The following DHRSX variants were observed in gnomAD, a reference collection of about 807,000 sequenced individuals.
DHRSX encodes the protein dehydrogenase/reductase X-linked.
DHRSX carries 31 observed loss-of-function variants against 34.0 expected under a neutral mutation model. The ratio of observed to expected loss-of-function variants is 0.91; its 90% CI spans 0.69 to 1.23. The LOEUF is 1.23. Ranked by LOEUF, DHRSX falls within the 50% of genes most tolerant of loss-of-function variation. The pLI is 0.00. For missense variants in DHRSX, 414 were observed against 428.1 expected (o/e 0.97, Z 0.29); for synonymous variants, 201 against 183.8 (o/e 1.09, Z -0.76).
At chrX:2,429,299 T>C (rs1354279244) in intron 1 of DHRSX, among the ~76,000 whole-genome samples, 12 of 152,306 alleles carry the variant, frequency 7.9e-5, no homozygotes, top group Non-Finnish European at 1.5e-4. Context: ...ATACTGTGTA[T>C]GTATACATGT....
intron 1 of DHRSX, among the ~76,000 whole-genome samples, chrX:2,457,329 C>A (rs927775672): frequency 6.6e-6 from 1 of 151,954 alleles, no homozygotes; most frequent in African/African-American, 2.4e-5. Flanking sequence ...GAAGATGTTC[C>A]CTAAGGATGT....
intron 4 of DHRSX, among the ~76,000 whole-genome samples, chrX:2,268,580 G>A (rs967086275): frequency 2.0e-5 from 3 of 152,178 alleles, no homozygotes; most frequent in African/African-American, 7.2e-5. Context: ...TTTACATGCA[G>A]ATTCATTTTC....
Position 2,247,585 on chromosome X carries a change from C to T in DHRSX, c.597-4355G>A, listed in dbSNP as rs183166965. 6.0e-3 allele frequency among the ~76,000 whole-genome samples: 850 copies of T among 141,240 alleles called. 16 individuals carry two copies. Among genetic ancestry groups the T allele is most frequent in the African/African-American group, 0.022 (804 of 37,338 alleles). 92.7% of individuals were successfully genotyped at this position (141,240 alleles called of 152,430 possible). A position where few individuals can be genotyped will look rare whatever the true frequency, so the allele number is the denominator to read the frequency against. On this transcript the variant is annotated intron_variant, in intron 5 of 6. Coordinates refer to ENST00000334651, the MANE Select transcript of DHRSX (RefSeq NM_145177.3). The stretch of plus-strand genomic sequence containing the variant: ...AGGAGAATGGCGTGAACCCGGGAGG[C>T]GGAGCTTGCAGTGAGCCGAGATTGC...
intron 2 of DHRSX, among the ~76,000 whole-genome samples, chrX:2,413,590 T>C (rs2043657726): frequency 1.3e-5 from 2 of 152,186 alleles, no homozygotes; most frequent in South Asian, 4.1e-4. Flanking sequence ...AATAGATAAT[T>C]AAATACAAGT....
chrX:2,269,277 AATAT>A (rs1172500577), intron 4 of DHRSX, among the ~76,000 whole-genome samples: 5 of 152,232 alleles, frequency 3.3e-5, no homozygotes, highest in East Asian at 3.8e-4. Context: ...TCTACACACA[AATAT>A]ATAGAGGTCT....
intron 3 of DHRSX, among the ~76,000 whole-genome samples, chrX:2,310,123 G>A (rs1404891516): frequency 6.6e-6 from 1 of 152,040 alleles, no homozygotes; most frequent in East Asian, 1.9e-4. Context: ...GATCCAGGCA[G>A]CCAGAGGACA....
At chrX:2,401,716 G>A (rs985708308) in intron 3 of DHRSX, among the ~76,000 whole-genome samples, 1 of 152,108 alleles carries the variant, frequency 6.6e-6, no homozygotes, top group Non-Finnish European at 1.5e-5. Flanking sequence ...ATTTATATTT[G>A]GAGGAGTTTC....
chrX:2,472,032 T>C (rs73622910), intron 1 of DHRSX, among the ~76,000 whole-genome samples: 30,711 of 150,060 alleles, frequency 0.2, 4,508 homozygotes, highest in African/African-American at 0.4. Context: ...GTAATCTCAG[T>C]TACTCAGAAG....
chrX:2,438,306 T>TACACACACACAC (rs113154779), intron 1 of DHRSX, among the ~76,000 whole-genome samples: 3,522 of 149,594 alleles, frequency 0.024, 157 homozygotes, highest in African/African-American at 0.079. Flanking sequence ...ACAGAATGCA[T>TACACACACACAC]ACACACACAC....
Position 2,243,019 on chromosome X carries a change from T to A in DHRSX, c.804+4A>T. The A allele has an allele frequency of 6.2e-7, 1 of 1,612,916 alleles. No homozygotes were observed. Among genetic ancestry groups the A allele is most frequent in the Non-Finnish European group, 8.5e-7 (1 of 1,179,184 alleles). ...CGTGAATCAGAGAAGCAGAAGGGGC[T>A]TACCTTGAAAAGCAACCAGCCGAGA... On this transcript the variant is annotated splice_donor_region_variant and intron_variant, in intron 6 of 6. Coordinates refer to ENST00000334651, the MANE Select transcript of DHRSX (RefSeq NM_145177.3).
At chrX:2,446,152 CA>C (rs1232089242) in intron 1 of DHRSX, among the ~76,000 whole-genome samples, 1 of 151,824 alleles carries the variant, frequency 6.6e-6, no homozygotes, top group Non-Finnish European at 1.5e-5. Flanking sequence ...AAGGGACTAC[CA>C]CCATGTACAC....
At chrX:2,268,057 C>T (rs1400359760) in intron 4 of DHRSX, among the ~76,000 whole-genome samples, 2 of 152,186 alleles carry the variant, frequency 1.3e-5, no homozygotes, top group Non-Finnish European at 2.9e-5. Context: ...TAAACATGGC[C>T]TGTCCTCACC....
chrX:2,456,178 A>C (rs1418044974), intron 1 of DHRSX, among the ~76,000 whole-genome samples: 1 of 152,190 alleles, frequency 6.6e-6, no homozygotes, highest in Non-Finnish European at 1.5e-5. Flanking sequence ...TGTAACAGGG[A>C]CAATGTGCGG....
At chrX:2,225,701 G>T (rs965680829) in intron 6 of DHRSX, among the ~76,000 whole-genome samples, 15 of 147,374 alleles carry the variant, frequency 1.0e-4, no homozygotes, top group Non-Finnish European at 7.4e-5. Context: ...AAGGAGATGA[G>T]GACACAGACA....
chrX:2,286,236 G>C (rs1316643954), intron 4 of DHRSX, among the ~76,000 whole-genome samples: 3 of 152,170 alleles, frequency 2.0e-5, no homozygotes, highest in South Asian at 2.1e-4. Context: ...ACACGGGCTT[G>C]TGCTGAATCC....
intron 3 of DHRSX, among the ~76,000 whole-genome samples, chrX:2,370,928 C>A (rs2043050929): frequency 6.6e-6 from 1 of 152,106 alleles, no homozygotes; most frequent in Non-Finnish European, 1.5e-5. Flanking sequence ...CCACATCGAA[C>A]GACCCCAATC....
chrX:2,403,620 C>CCA (rs1202655198), intron 3 of DHRSX, among the ~76,000 whole-genome samples: 1 of 152,000 alleles, frequency 6.6e-6, no homozygotes, highest in African/African-American at 2.4e-5. Context: ...ATTTGGGAGG[C>CCA]TGAGGTGGGT....
At chrX:2,497,162 A>G (rs2045306373) in intron 1 of DHRSX, among the ~76,000 whole-genome samples, 2 of 152,128 alleles carry the variant, frequency 1.3e-5, no homozygotes, top group African/African-American at 4.8e-5. Context: ...TTGGGATGCC[A>G]AGGTGGACTA....
At chrX:2,248,324 T>C (rs2016345815) in intron 5 of DHRSX, among the ~76,000 whole-genome samples, 1 of 151,554 alleles carries the variant, frequency 6.6e-6, no homozygotes. Flanking sequence ...TCCTAGCTAC[T>C]TGGGAGGCTG....
Sources: gnomAD v4.1 joint callset for allele counts (sites outside exome capture counted in the v4.1 genomes callset) on GRCh38, gnomAD v4.1.1 for gene constraint, MANE v1.5 for transcripts, NCBI Gene and HGNC (gene_info 2026-07-23, HGNC 2026-07-21) for gene names.